MIDEAS: variants seen among roughly 807,000 people sequenced by gnomAD.
MIDEAS encodes mitotic deacetylase-associated SANT domain protein.
Under a neutral mutation model 102.7 loss-of-function variants are expected in MIDEAS, and 26 were observed. The ratio of observed to expected loss-of-function variants is 0.25; its 90% CI spans 0.19 to 0.35. The LOEUF (loss-of-function observed/expected upper bound fraction) is 0.35. Among genes scored for constraint, MIDEAS ranks in the 10% least tolerant of loss-of-function variants. The pLI, the probability that MIDEAS is intolerant of heterozygous loss-of-function variation, is 1.00. For synonymous variants in MIDEAS, 585 were observed against 591.0 expected (o/e 0.99, Z 0.15); for missense variants, 1,231 against 1,435.6 (o/e 0.86, Z 2.30).
intron 3 of MIDEAS, among the ~76,000 whole-genome samples, chr14:73,734,420 T>G (rs2053177117): frequency 6.6e-6 from 1 of 152,138 alleles, no homozygotes. Flanking sequence ...GTTTTTGTTT[T>G]GTTTTGAAAA....
chr14:73,754,113 G>A (rs532309204), intron 1 of MIDEAS, among the ~76,000 whole-genome samples: 4 of 152,332 alleles, frequency 2.6e-5, no homozygotes, highest in African/African-American at 7.2e-5. Flanking sequence ...GGAAGTGCCC[G>A]CCTGGTTATT....
chr14:73,764,339 C>CAA (rs5809629), upstream of MIDEAS, among the ~76,000 whole-genome samples: 155 of 87,836 alleles, frequency 1.8e-3, 1 homozygote, highest in Middle Eastern at 6.6e-3. Flanking sequence ...GACCCTGTCT[C>CAA]AAAAAAAAAA....
At position 73,722,734 on chromosome 14, in the gene MIDEAS, C is replaced by T. The variant is rs373842577; in HGVS notation, c.2688G>A (p.Glu896=). 1.2e-6 allele frequency: 2 copies of T among 1,614,064 alleles called. No individual in the cohort carries two copies. Among genetic ancestry groups the T allele is most frequent in the African/African-American group, 2.7e-5 (2 of 74,920 alleles). ...CTTCAACCTCTTCCTGGGCCGACTTCTCATCGCTCGTATCCACATCCCCAA... is the reference window on the plus strand; with the variant it reads ...CTTCAACCTCTTCCTGGGCCGACTTTTCATCGCTCGTATCCACATCCCCAA... The part of the protein sequence containing the change: ...LTFGDVDTSD[E]KSAQEEVEVD... Residue 896 remains glutamate, a synonymous_variant, in exon 10 of 13, where the codon GAG becomes GAA. Coordinates refer to ENST00000423556, the MANE Select transcript of MIDEAS (RefSeq NM_001367710.1).
In MIDEAS at chr14:73,739,681, G is replaced by C; in HGVS notation, c.328C>G (p.Arg110Gly). Residue 110 changes from arginine (R) to glycine (G), a missense_variant, in exon 2 of 13, where the codon CGT becomes GGT. Transcript: ENST00000423556. The part of the protein sequence containing the change: ...SVMAPGRGPE[R>G]GGGGGVSDSS... ...TCACTGACACCCCCACCTCCTCCAC[G>C]CTCCGGGCCCCGCCCTGGAGCCATC... is the stretch of plus-strand genomic sequence containing the variant. The C allele has an allele frequency of 6.2e-7, 1 of 1,613,736 alleles. No homozygotes were observed. The highest frequency in any genetic ancestry group is 8.5e-7 in the Non-Finnish European group (1 of 1,179,922).
chr14:73,718,839 G>T lies in MIDEAS; in HGVS notation c.*4C>A, dbSNP rs779012214. The T allele has an allele frequency of 2.1e-6, 3 of 1,448,078 alleles. No homozygotes were observed. Among genetic ancestry groups the T allele is most frequent in the Non-Finnish European group, 2.7e-6 (3 of 1,109,322 alleles). 89.7% of individuals were successfully genotyped at this position (1,448,078 alleles called of 1,614,324 possible). On this transcript the variant is annotated 3_prime_UTR_variant, in exon 13 of 13. Coordinates refer to ENST00000423556, the MANE Select transcript of MIDEAS (RefSeq NM_001367710.1). The stretch of plus-strand genomic sequence containing the variant: ...CCAGGACTGGGCCAGCCTGGCTCCC[G>T]CGCTCAGCCCTTGTCGCCCGCACCG...
chr14:73,739,323 A>G lies in MIDEAS; in HGVS notation c.686T>C (p.Val229Ala). 1 of 1,608,290 alleles carries G rather than the reference A, an allele frequency of 6.2e-7. No homozygotes were observed. The highest frequency in any genetic ancestry group is 1.1e-5 in the South Asian group (1 of 90,784). ...TGGGGGCGGTGGGCCCTGCCGGAAGACCTGCCGGTTCACCTGGTGGCCGAA... is the reference window on the plus strand; with the variant it reads ...TGGGGGCGGTGGGCCCTGCCGGAAGGCCTGCCGGTTCACCTGGTGGCCGAA... ...LAFGHQVNRQVFRQGPPPPNP... is the reference protein window; with the variant it reads ...LAFGHQVNRQAFRQGPPPPNP... The change falls in exon 2 of 13, where the codon GTC (valine) becomes GCC (alanine). Residue 229 changes from valine to alanine, a missense_variant. Transcript: ENST00000423556.
At chr14:73,721,263 T>C in intron 11 of MIDEAS, 34 bp downstream of exon 11, 1 of 1,600,420 alleles carries the variant, frequency 6.2e-7, no homozygotes, top group Non-Finnish European at 8.5e-7. Flanking sequence ...CCACCCTGCT[T>C]GCCCTGGGCT....
At chr14:73,747,807 G>A (rs1040246801) in intron 1 of MIDEAS, among the ~76,000 whole-genome samples, 2 of 152,098 alleles carry the variant, frequency 1.3e-5, no homozygotes, top group African/African-American at 4.8e-5. Flanking sequence ...CTGGCATAGT[G>A]AAGTTTCCCA....
rs2053755305 is a variant in MIDEAS at position 73,781,315 on chromosome 14, T to G, written c.-248+5787A>C. 4.6e-5 allele frequency among the ~76,000 whole-genome samples: 7 copies of G among 152,348 alleles called. 1 individual carries two copies. The South Asian group carries it at 1.4e-3, about 32-fold the overall frequency. ...GTAAGATCCTATCCAATTCTAAAAGTTGATTATTTTGTAAAATAGCACATC... is the reference window on the plus strand; with the variant it reads ...GTAAGATCCTATCCAATTCTAAAAGGTGATTATTTTGTAAAATAGCACATC... On this transcript the variant is annotated intron_variant, in intron 1 of 11. Transcript: ENST00000394071.
chr14:73,721,236 C>A, intron 11 of MIDEAS, 61 bp downstream of exon 11: 1 of 1,526,118 alleles, frequency 6.6e-7, no homozygotes. Context: ...CTCCCTCCCA[C>A]GCCCCCAGGC....
rs1566577378 is a variant in MIDEAS at position 73,716,059 on chromosome 14, GA to G, written c.*2783del. On this transcript the variant is annotated 3_prime_UTR_variant, in exon 13 of 13. Coordinates refer to ENST00000423556, the MANE Select transcript of MIDEAS (RefSeq NM_001367710.1). ...GTGAGATGGTGTGGGGAGGATGTTA[GA>G]AAGCTGGAGGTGTTTATCACTTCTC... is the stretch of plus-strand genomic sequence containing the variant. 6.6e-6 allele frequency: 1 copy of G among 152,510 alleles called. No homozygotes were observed. The highest frequency in any genetic ancestry group is 6.5e-5 in the Admixed American group (1 of 15,272). 9.4% of individuals were successfully genotyped at this position (152,510 alleles called of 1,614,324 possible). A position where few individuals can be genotyped will look rare whatever the true frequency, so the allele number is the denominator to read the frequency against.
chr14:73,787,977 A>G (rs780097989), upstream of MIDEAS, among the ~76,000 whole-genome samples: 4 of 152,230 alleles, frequency 2.6e-5, no homozygotes, highest in Non-Finnish European at 5.9e-5. Context: ...GGGCAGCTTC[A>G]GGCAATAGTA....
At position 73,739,318 on chromosome 14, in the gene MIDEAS, G is replaced by A. The variant is rs867329349; in HGVS notation, c.691C>T (p.Arg231Trp). The change falls in exon 2 of 13, where the codon CGG becomes TGG. Residue 231 changes from arginine (R) to tryptophan (W), a missense_variant. Arg to Trp is a moderately radical substitution (Grantham distance 101). Around this residue, in one of 5 missense-constraint regions of MIDEAS, gnomAD observed 758 missense variants for 856.0 expected, o/e 0.89. Coordinates refer to ENST00000423556, the MANE Select transcript of MIDEAS (RefSeq NM_001367710.1). ...GGGTTTGGGGGCGGTGGGCCCTGCC[G>A]GAAGACCTGCCGGTTCACCTGGTGG... ...FGHQVNRQVFRQGPPPPNPVA... is the reference protein window; with the variant it reads ...FGHQVNRQVFWQGPPPPNPVA... The A allele has an allele frequency of 3.1e-6, 5 of 1,609,664 alleles. No homozygotes were observed. The highest frequency in any genetic ancestry group is 3.3e-5 in the Admixed American group (2 of 59,940).
chr14:73,754,712 G>A (rs1475394834), intron 1 of MIDEAS, among the ~76,000 whole-genome samples: 3 of 152,144 alleles, frequency 2.0e-5, no homozygotes, highest in Admixed American at 1.3e-4. Flanking sequence ...AAGGCCAGGA[G>A]GGGAGGAGGA....
In MIDEAS at chr14:73,739,769, A is replaced by AG; in HGVS notation, c.239dup (p.Glu81Ter). 6.2e-7 allele frequency: 1 copy of AG among 1,613,780 alleles called. No homozygotes were observed. The highest frequency in any genetic ancestry group is 8.5e-7 in the Non-Finnish European group (1 of 1,179,936). On this transcript the variant is annotated frameshift_variant, in exon 2 of 13. Coordinates refer to ENST00000423556, the MANE Select transcript of MIDEAS (RefSeq NM_001367710.1). LOFTEE classifies it high-confidence loss of function. ...ACAGCATGGCTGCTGAGGTCCGCTC[A>AG]GGCCCATATACCACAGAGTTCAGCA...
At chr14:73,760,850 G>A (rs900491710), upstream of MIDEAS, among the ~76,000 whole-genome samples, 3 of 152,330 alleles carry the variant, frequency 2.0e-5, no homozygotes, top group East Asian at 5.8e-4. The surrounding 1 kb of genome is among the most constrained non-coding windows in gnomAD (Gnocchi z 4.8). Flanking sequence ...GGCCAGAGTT[G>A]AGCGGCTTTT....
intron 1 of MIDEAS, among the ~76,000 whole-genome samples, chr14:73,769,176 A>G (rs932869775): frequency 2.0e-5 from 3 of 151,282 alleles, no homozygotes; most frequent in Non-Finnish European, 2.9e-5. Flanking sequence ...TTTCCCTCTC[A>G]CTCCCTCCCC....
At chr14:73,777,181 C>G (rs1361498396) in intron 1 of MIDEAS, among the ~76,000 whole-genome samples, 1 of 151,874 alleles carries the variant, frequency 6.6e-6, no homozygotes, top group Admixed American at 6.6e-5. Flanking sequence ...GCGAGTGGCA[C>G]AAAAAAGTGG....
At chr14:73,747,365 T>C (rs531583021) in intron 1 of MIDEAS, among the ~76,000 whole-genome samples, 3 of 152,262 alleles carry the variant, frequency 2.0e-5, no homozygotes, top group Non-Finnish European at 4.4e-5. Flanking sequence ...AAGAGACCTG[T>C]ATCCAGGGAC....
Sources: allele counts gnomAD v4.1 joint callset (sites outside exome capture counted in the v4.1 genomes callset), GRCh38; gene constraint gnomAD v4.1.1; regional missense constraint gnomAD v4.1.1; non-coding constraint Gnocchi (gnomAD v3.1); transcripts MANE v1.5; gene names NCBI Gene and HGNC (gene_info 2026-07-23, HGNC 2026-07-21).